The following BRSK2 variants were observed in gnomAD, a reference collection of about 807,000 sequenced individuals.
BRSK2 encodes serine/threonine-protein kinase BRSK2.
Under a neutral mutation model 83.3 loss-of-function variants are expected in BRSK2, and 19 were observed. The observed-to-expected ratio is 0.23, with a 90% CI of 0.16 to 0.33. The LOEUF is 0.33. BRSK2 is among the 10% of genes least tolerant of loss of function. The probability of loss-of-function intolerance (pLI) is 1.00; values close to 1 mark genes in which losing one functional copy is unlikely to be tolerated. For missense variants in BRSK2, 798 were observed against 1,042.3 expected (o/e 0.77, Z 3.23); for synonymous variants, 519 against 435.4 (o/e 1.19, Z -2.39).
intron 1 of BRSK2, among the ~76,000 whole-genome samples, chr11:1,396,072 C>T (rs895900065): frequency 9.2e-5 from 14 of 152,308 alleles, no homozygotes; most frequent in African/African-American, 2.6e-4. Context: ...TCCCCACCAT[C>T]GTTGGCTGCC....
intron 1 of BRSK2, among the ~76,000 whole-genome samples, chr11:1,428,791 G>A (rs891715036): frequency 6.6e-6 from 1 of 151,996 alleles, no homozygotes; most frequent in East Asian, 1.9e-4. Flanking sequence ...GGGTGTGTGT[G>A]CATGTGCACT....
chr11:1,411,608 G>T lies in BRSK2; in HGVS notation c.91+21233G>T. The T allele has an allele frequency of 2.5e-6, 4 of 1,569,250 alleles. No individual in the cohort carries two copies. The Middle Eastern group carries it at 5.6e-4, about 220-fold the overall frequency. ...TCCACCTTCCTCAAGGCCAGACCTG[G>T]CTCTGCCTGCAGCCCAGCCCAGCAG... On this transcript the variant is annotated intron_variant, in intron 1 of 19. Coordinates refer to ENST00000528841, the MANE Select transcript of BRSK2 (RefSeq NM_001256627.2).
chr11:1,442,706 G>A (rs796738493), intron 5 of BRSK2, 100 bp downstream of exon 5: 19 of 964,822 alleles, frequency 2.0e-5, no homozygotes, highest in African/African-American at 1.6e-4. Flanking sequence ...TGAGCCTCCC[G>A]GCACCCCACA....
intron 1 of BRSK2, among the ~76,000 whole-genome samples, chr11:1,406,888 A>G (rs916837438): frequency 5.3e-5 from 8 of 152,108 alleles, no homozygotes; most frequent in African/African-American, 1.9e-4. Flanking sequence ...GTGCGCCTGC[A>G]TATCTGTGTG....
intron 12 of BRSK2, 96 bp from the exon 13 acceptor site, chr11:1,449,680 G>C (rs551957990): frequency 1.9e-5 from 20 of 1,061,238 alleles, no homozygotes; most frequent in Non-Finnish European, 2.6e-5. Context: ...CGGGCTCCAG[G>C]CCTCCTGGAG....
chr11:1,424,829 G>T (rs1849019165), intron 1 of BRSK2, among the ~76,000 whole-genome samples: 1 of 150,622 alleles, frequency 6.6e-6, no homozygotes, highest in Non-Finnish European at 1.5e-5. Flanking sequence ...TGGCGGGGGG[G>T]CAGGTTGCGG....
rs1030245761 is a variant in BRSK2, at chr11:1,454,788, G to T, written c.1668+180G>T. On this transcript the variant is annotated intron_variant, in intron 16 of 19. Transcript: ENST00000528841. The surrounding 1 kb of genome is among the most constrained non-coding windows in gnomAD (Gnocchi z 5.2). The stretch of plus-strand genomic sequence containing the variant: ...CAGGCGCTCTCTCCTGCCCACCCTC[G>T]TGAGGGAGGGGTCACTGCCCATCTG... Among the ~76,000 whole-genome samples, 1 of 152,184 alleles carries T rather than the reference G, an allele frequency of 6.6e-6. No individual in the cohort carries two copies. Among genetic ancestry groups the T allele is most frequent in the Non-Finnish European group, 1.5e-5 (1 of 68,034 alleles).
At chr11:1,460,095 A>AG (rs1474944716) in intron 19 of BRSK2, among the ~76,000 whole-genome samples, 1 of 6,828 alleles carries the variant, frequency 1.5e-4, no homozygotes, top group African/African-American at 6.7e-4. Context: ...TGGGGAGGGA[A>AG]GGGGGGTGGG....
In BRSK2 at chr11:1,401,238, C is replaced by T. The variant is rs117014395; in HGVS notation, c.91+10863C>T. 5.5e-3 allele frequency among the ~76,000 whole-genome samples: 844 copies of T among 152,358 alleles called. 7 individuals are homozygous for T. Among genetic ancestry groups the T allele is most frequent in the South Asian group, 0.028 (133 of 4,832 alleles). On this transcript the variant is annotated intron_variant, in intron 1 of 19. Transcript: ENST00000528841. ...GGCCTGTGTCCTCAGCACATGCCCC[C>T]GGCATCACACCTCACCCGTGAGCAA...
At position 1,390,399 on chromosome 11, in the gene BRSK2, C is replaced by G; in HGVS notation, c.91+24C>G. Reference sequence around the variant, plus strand: ...AGGTGCGTGCGGCCGGGGCGGGGACCGGGGCCGGGGAGGCCGCGCTGGCAG... The same window carrying G: ...AGGTGCGTGCGGCCGGGGCGGGGACGGGGGCCGGGGAGGCCGCGCTGGCAG... On this transcript the variant is annotated intron_variant, in intron 1 of 19. Transcript: ENST00000528841. The surrounding 1 kb of genome is among the most constrained non-coding windows in gnomAD (Gnocchi z 6.8). The G allele has an allele frequency of 2.0e-6, 2 of 988,706 alleles. No individual in the cohort carries two copies. The highest frequency in any genetic ancestry group is 4.6e-5 in the South Asian group (1 of 21,762). The allele number at this position is 988,706 out of a possible 1,614,324, so 61.2% of individuals were successfully genotyped here.
At chr11:1,402,779 G>A (rs574258219) in intron 1 of BRSK2, among the ~76,000 whole-genome samples, 526 of 152,306 alleles carry the variant, frequency 3.5e-3, no homozygotes, top group Non-Finnish European at 5.5e-3. Flanking sequence ...GGAGTGGAGT[G>A]GGGGCAGCTG....
intron 2 of BRSK2, among the ~76,000 whole-genome samples, chr11:1,437,880 G>A (rs1182061029): frequency 6.6e-6 from 1 of 152,126 alleles, no homozygotes; most frequent in Non-Finnish European, 1.5e-5. Context: ...TGGGCAGTGT[G>A]GGGAGGGGCC....
chr11:1,445,331 C>G lies in BRSK2; in HGVS notation c.850C>G (p.Pro284Ala). 6.2e-7 allele frequency: 1 copy of G among 1,611,376 alleles called. No individual in the cohort carries two copies. The highest frequency in any genetic ancestry group is 8.5e-7 in the Non-Finnish European group (1 of 1,179,280). Residue 284 changes from proline to alanine, a missense_variant, in exon 10 of 20, where the codon CCT (proline) becomes GCT (alanine). Pro to Ala is a conservative substitution (Grantham distance 27, BLOSUM62 -1). Coordinates refer to ENST00000528841, the MANE Select transcript of BRSK2 (RefSeq NM_001256627.2). ...KNEPEPEQPI[P>A]RKVQIRSLPS... is the part of the protein sequence containing the mutation. The stretch of plus-strand genomic sequence containing the variant: ...TGAGCCCGAACCAGAGCAGCCCATT[C>G]CTCGCAAGGTGCAGATCCGCTCGCT...
rs1273162279 is a variant in BRSK2, at chr11:1,454,304, A to G, written c.1545-181A>G. 2 of 671,752 alleles carry G rather than the reference A, an allele frequency of 3.0e-6. No individual in the cohort carries two copies. Among genetic ancestry groups the G allele is most frequent in the South Asian group, 3.5e-5 (2 of 56,664 alleles). The allele number at this position is 671,752 out of a possible 1,614,324, so 41.6% of individuals were successfully genotyped here. On this transcript the variant is annotated intron_variant, in intron 15 of 19. Transcript: ENST00000528841. This position sits in a 1 kb window ranked among gnomAD's most constrained non-coding sequence, Gnocchi z 5.2. ...TTAGAGCCACGGTGATGGTCAGGGC[A>G]TATGGGCTAGGGTTAGGGCGTTGGG... is the stretch of plus-strand genomic sequence containing the variant.
At chr11:1,450,298 G>T (rs571713363) in intron 13 of BRSK2, among the ~76,000 whole-genome samples, 1 of 151,864 alleles carries the variant, frequency 6.6e-6, no homozygotes, top group South Asian at 2.1e-4. Flanking sequence ...CCTCCACGGA[G>T]CCCGAAGCTT....
At chr11:1,449,089 C>T (rs956624502) in intron 12 of BRSK2, among the ~76,000 whole-genome samples, 4 of 152,224 alleles carry the variant, frequency 2.6e-5, no homozygotes, top group South Asian at 2.1e-4. Flanking sequence ...TGTGGTGGAA[C>T]GACGCACAGC....
At chr11:1,406,400 A>G (rs1846879779) in intron 1 of BRSK2, among the ~76,000 whole-genome samples, 1 of 152,154 alleles carries the variant, frequency 6.6e-6, no homozygotes, top group African/African-American at 2.4e-5. Context: ...TGAACCCGGG[A>G]GGCGGAGCTT....
intron 1 of BRSK2, among the ~76,000 whole-genome samples, chr11:1,396,238 A>C (rs1196297310): frequency 5.3e-5 from 6 of 114,230 alleles, no homozygotes; most frequent in Admixed American, 8.1e-5. Context: ...CCTTCCACCC[A>C]CGTCCCCCAC....
At chr11:1,404,639 C>T (rs1846708423) in intron 1 of BRSK2, among the ~76,000 whole-genome samples, 1 of 152,192 alleles carries the variant, frequency 6.6e-6, no homozygotes, top group Admixed American at 6.5e-5. Context: ...TGATGTGGCC[C>T]CTGCCTCTAA....
Sources: allele counts gnomAD v4.1 joint callset (sites outside exome capture counted in the v4.1 genomes callset), GRCh38; gene constraint gnomAD v4.1.1; non-coding constraint Gnocchi (gnomAD v3.1); transcripts MANE v1.5; gene names NCBI Gene and HGNC (gene_info 2026-07-23, HGNC 2026-07-21).